CSMD3: variants seen among roughly 807,000 people sequenced by gnomAD.
The protein encoded by CSMD3 is CUB and sushi domain-containing protein 3.
A neutral mutation model predicts 435.2 loss-of-function variants in CSMD3; 177 were observed. That is an observed-to-expected ratio of 0.41 (90% CI 0.36 to 0.46). The LOEUF (loss-of-function observed/expected upper bound fraction) is 0.46, where lower values mean the gene tolerates loss of function less well. Ranked by LOEUF, CSMD3 falls within the 20% of genes least tolerant of loss-of-function variation. The pLI, the probability that CSMD3 is intolerant of heterozygous loss-of-function variation, is 0.34. For synonymous variants in CSMD3, 1,656 were observed against 1,520.5 expected, an observed-to-expected ratio of 1.09 and a Z score of -2.07; for missense variants, 4,265 against 4,504.6, an observed-to-expected ratio of 0.95 and a Z score of 1.52.
At chr8:113,266,982 T>G (rs956870975) in intron 3 of CSMD3, among the ~76,000 whole-genome samples, 1 of 151,498 alleles carries the variant, frequency 6.6e-6, no homozygotes, top group African/African-American at 2.4e-5. Context: ...TACAAACTGC[T>G]AACAGGTATA....
chr8:113,039,565 A>G (rs1325875368), intron 5 of CSMD3, among the ~76,000 whole-genome samples: 2 of 152,170 alleles, frequency 1.3e-5, no homozygotes, highest in East Asian at 3.9e-4. Context: ...CACTAACTAT[A>G]GTTCTCATGG....
chr8:113,305,876 T>C (rs2093816829), intron 2 of CSMD3, among the ~76,000 whole-genome samples: 1 of 152,216 alleles, frequency 6.6e-6, no homozygotes, highest in Non-Finnish European at 1.5e-5. Flanking sequence ...CAATGCCCAA[T>C]GGCAATGCAG....
chr8:112,508,674 C>A (rs1219610798), intron 28 of CSMD3, among the ~76,000 whole-genome samples: 2 of 152,176 alleles, frequency 1.3e-5, no homozygotes, highest in African/African-American at 2.4e-5. Context: ...AAAGCCTTTT[C>A]ATCTAACTCC....
At chr8:113,141,363 A>G (rs1020721059) in intron 4 of CSMD3, among the ~76,000 whole-genome samples, 3 of 150,740 alleles carry the variant, frequency 2.0e-5, no homozygotes, top group Admixed American at 1.3e-4. Context: ...GAAAAAAACT[A>G]TGCCAAAAAA....
At chr8:112,938,735 A>G (rs2083360753) in intron 9 of CSMD3, among the ~76,000 whole-genome samples, 1 of 152,198 alleles carries the variant, frequency 6.6e-6, no homozygotes, top group Non-Finnish European at 1.5e-5. Flanking sequence ...GTAATGAAAT[A>G]TGACAAAAGT....
At chr8:113,292,820 C>T (rs1351643294) in intron 2 of CSMD3, among the ~76,000 whole-genome samples, 1 of 150,876 alleles carries the variant, frequency 6.6e-6, no homozygotes, top group African/African-American at 2.4e-5. Context: ...ATTACTTTTG[C>T]ACCAACCTAA....
At chr8:112,287,527 T>C (rs1399707245) in intron 57 of CSMD3, among the ~76,000 whole-genome samples, 1 of 152,140 alleles carries the variant, frequency 6.6e-6, no homozygotes. Flanking sequence ...ACCTAGTTAA[T>C]AACCAAGCTA....
intron 6 of CSMD3, among the ~76,000 whole-genome samples, chr8:112,979,359 G>A (rs368461041): frequency 6.6e-6 from 1 of 151,530 alleles, no homozygotes; most frequent in African/African-American, 2.4e-5. Context: ...ATACAGTTAT[G>A]TCATATATTG....
intron 13 of CSMD3, among the ~76,000 whole-genome samples, chr8:112,757,415 A>G (rs528062753): frequency 6.6e-6 from 1 of 152,198 alleles, no homozygotes; most frequent in East Asian, 1.9e-4. Context: ...TAATATTGAA[A>G]AACTAAGAAA....
intron 1 of CSMD3, among the ~76,000 whole-genome samples, chr8:113,346,871 A>G (rs2094155193): frequency 6.6e-6 from 1 of 152,120 alleles, no homozygotes; most frequent in South Asian, 2.1e-4. Context: ...GATTTGGGGT[A>G]CCAATGAATA....
chr8:113,346,125 C>T (rs908456990), intron 1 of CSMD3, among the ~76,000 whole-genome samples: 1 of 151,956 alleles, frequency 6.6e-6, no homozygotes, highest in African/African-American at 2.4e-5. Context: ...TTTCTTCCAC[C>T]TGGAACAAAA....
chr8:113,006,914 A>C (rs2086079195), intron 6 of CSMD3, among the ~76,000 whole-genome samples: 1 of 151,984 alleles, frequency 6.6e-6, no homozygotes, highest in Admixed American at 6.6e-5. Context: ...TGACAAAATT[A>C]GCTTAAATGT....
chr8:112,357,613 A>G (rs1487757385), intron 38 of CSMD3, among the ~76,000 whole-genome samples: 1 of 152,146 alleles, frequency 6.6e-6, no homozygotes, highest in African/African-American at 2.4e-5. Context: ...AAGTGGTTTC[A>G]TGGGCCAGGC....
At chr8:112,771,888 C>T (rs954479960) in intron 13 of CSMD3, among the ~76,000 whole-genome samples, 17 of 151,934 alleles carry the variant, frequency 1.1e-4, no homozygotes, top group East Asian at 1.9e-4. Context: ...GAAATGGAAA[C>T]GACGCATTTC....
intron 1 of CSMD3, among the ~76,000 whole-genome samples, chr8:113,359,724 TA>T (rs1414417053): frequency 2.0e-5 from 3 of 152,252 alleles, no homozygotes; most frequent in Non-Finnish European, 4.4e-5. Context: ...GCCTTAACAT[TA>T]AAAGTTTATA....
intron 29 of CSMD3, among the ~76,000 whole-genome samples, chr8:112,506,162 T>G (rs765915563): frequency 6.6e-5 from 10 of 152,122 alleles, no homozygotes; most frequent in African/African-American, 9.7e-5. Flanking sequence ...AAATAAAATT[T>G]TATTTATTTA....
chr8:113,355,749 T>TATATATATATATATATACAC (rs1357514892), intron 1 of CSMD3, among the ~76,000 whole-genome samples: 5 of 81,314 alleles, frequency 6.1e-5, no homozygotes, highest in African/African-American at 2.8e-4. Context: ...TATATATATA[T>TATATATATATATATATACAC]ACACACACAC....
At chr8:112,606,971 TGAAA>T (rs1563761800) in intron 22 of CSMD3, among the ~76,000 whole-genome samples, 2 of 12,160 alleles carry the variant, frequency 1.6e-4, no homozygotes, top group African/African-American at 3.4e-4. Context: ...CCTCAAGCTA[TGAAA>T]AAAAAAAAAA....
intron 27 of CSMD3, among the ~76,000 whole-genome samples, chr8:112,522,845 T>A (rs1041327371): frequency 2.0e-5 from 3 of 151,926 alleles, no homozygotes; most frequent in Admixed American, 6.6e-5. Context: ...TTTGCTTCCA[T>A]CTAGTTGGGA....
Sources: gnomAD v4.1 joint callset for allele counts (sites outside exome capture counted in the v4.1 genomes callset) on GRCh38, gnomAD v4.1.1 for gene constraint, MANE v1.5 for transcripts, NCBI Gene and HGNC (gene_info 2026-07-23, HGNC 2026-07-21) for gene names.